UBE2Q2: variants seen among roughly 807,000 people sequenced by gnomAD.
UBE2Q2 encodes ubiquitin-conjugating enzyme E2 Q2.
In UBE2Q2, 54 loss-of-function variants were observed where a neutral mutation model predicts 59.9. That is an observed-to-expected ratio of 0.90 (90% CI 0.72 to 1.13). The LOEUF is 1.13. Among genes scored for constraint, UBE2Q2 ranks in the 50% most tolerant of loss-of-function variants. The probability of loss-of-function intolerance (pLI) is 0.00; values close to 1 mark genes in which losing one functional copy is unlikely to be tolerated. For synonymous variants in UBE2Q2, 165 were observed against 155.2 expected (o/e 1.06, Z -0.47); for missense variants, 433 against 441.9 (o/e 0.98, Z 0.18).
At chr15:75,843,902 T>G in intron 1 of UBE2Q2, 56 bp downstream of exon 1, 2 of 1,487,724 alleles carry the variant, frequency 1.3e-6, no homozygotes, top group Non-Finnish European at 1.8e-6. Context: ...AGGGGGCGCT[T>G]CGAGTCCCGG....
intron 8 of UBE2Q2, among the ~76,000 whole-genome samples, chr15:75,880,235 C>T (rs1898328496): frequency 6.6e-6 from 1 of 151,766 alleles, no homozygotes; most frequent in African/African-American, 2.4e-5. Context: ...GCCTCAGCCT[C>T]CTGAGTAGCT....
Position 75,900,663 on chromosome 15 carries a change from G to A in UBE2Q2, c.*1205G>A, listed in dbSNP as rs981840116. 1 of 152,626 alleles carries A rather than the reference G, an allele frequency of 6.6e-6. No homozygotes were observed. The highest frequency in any genetic ancestry group is 1.5e-5 in the Non-Finnish European group (1 of 68,030). The allele number at this position is 152,626 out of a possible 1,614,324, so 9.5% of individuals were successfully genotyped here. The stretch of plus-strand genomic sequence containing the variant: ...GCTTTGAGATTCAGTTTTTAACTTT[G>A]TAAACCACATCTGAGAGACTTGTCA... On this transcript the variant is annotated 3_prime_UTR_variant, in exon 13 of 13. Transcript: ENST00000267938.
At chr15:75,863,013 C>T (rs188494687) in intron 3 of UBE2Q2, among the ~76,000 whole-genome samples, 1 of 152,006 alleles carries the variant, frequency 6.6e-6, no homozygotes, top group East Asian at 1.9e-4. Context: ...GTTCTTTTGC[C>T]TGAGGTAGAT....
At position 75,876,685 on chromosome 15, in the gene UBE2Q2, A is replaced by G. The variant is rs1898102703; in HGVS notation, c.673+414A>G. Among the ~76,000 whole-genome samples, 3 of 152,156 alleles carry G rather than the reference A, an allele frequency of 2.0e-5. No homozygotes were observed. The South Asian group carries it at 6.2e-4, about 31-fold the overall frequency. ...AAGATAATCAGCTTTTATTGTAAAG[A>G]TAGTTATGTTATTACCTTTAAAATA... On this transcript the variant is annotated intron_variant, in intron 6 of 12. Coordinates refer to ENST00000267938, the MANE Select transcript of UBE2Q2 (RefSeq NM_173469.4).
chr15:75,851,828 T>C (rs1236692457), intron 1 of UBE2Q2, among the ~76,000 whole-genome samples: 1 of 152,188 alleles, frequency 6.6e-6, no homozygotes, highest in African/African-American at 2.4e-5. Context: ...TAAAAAGACA[T>C]ATTCAAGGAT....
intron 1 of UBE2Q2, chr15:75,844,406 G>A: frequency 2.6e-6 from 4 of 1,551,626 alleles, no homozygotes; most frequent in African/African-American, 1.4e-5. Context: ...CTCTGGTGCT[G>A]TTTGAGCGAC....
intron 1 of UBE2Q2, chr15:75,844,647 A>C: frequency 2.3e-4 from 158 of 697,532 alleles, no homozygotes; most frequent in East Asian, 3.3e-4. Flanking sequence ...CGGAAATCTC[A>C]TTAGAAACCC....
chr15:75,848,982 A>G (rs1307273593), intron 1 of UBE2Q2, among the ~76,000 whole-genome samples: 1 of 152,146 alleles, frequency 6.6e-6, no homozygotes, highest in Non-Finnish European at 1.5e-5. Context: ...GCTTACAATG[A>G]TGTTCTCAGT....
chr15:75,882,556 T>C (rs1160170501), intron 8 of UBE2Q2, among the ~76,000 whole-genome samples: 1 of 152,240 alleles, frequency 6.6e-6, no homozygotes, highest in Non-Finnish European at 1.5e-5. Context: ...AATTGTACTT[T>C]ACCAAGCTTA....
chr15:75,848,370 A>T (rs1896464037), intron 1 of UBE2Q2, among the ~76,000 whole-genome samples: 1 of 152,252 alleles, frequency 6.6e-6, no homozygotes, highest in African/African-American at 2.4e-5. Flanking sequence ...TAAGGAGCCT[A>T]AGACTTTTCT....
chr15:75,843,919 G>A, intron 1 of UBE2Q2, 73 bp downstream of exon 1: 1 of 1,457,078 alleles, frequency 6.9e-7, no homozygotes, highest in Admixed American at 2.4e-5. Context: ...CCGGGACAAA[G>A]GGGAGCCTGC....
chr15:75,883,229 G>T (rs1898542484), intron 8 of UBE2Q2, 137 bp from the exon 9 acceptor site: 3 of 754,076 alleles, frequency 4.0e-6, no homozygotes, highest in South Asian at 2.2e-5. Context: ...TTTGGTTTTG[G>T]GTACTAATTT....
At chr15:75,853,315 CA>C (rs1408619505) in intron 1 of UBE2Q2, among the ~76,000 whole-genome samples, 1 of 151,764 alleles carries the variant, frequency 6.6e-6, no homozygotes, top group Non-Finnish European at 1.5e-5. Context: ...AATAAAAATA[CA>C]AAAAATTAGC....
At chr15:75,845,282 A>T (rs1005886027) in intron 1 of UBE2Q2, among the ~76,000 whole-genome samples, 16 of 152,030 alleles carry the variant, frequency 1.1e-4, no homozygotes, top group African/African-American at 3.9e-4. Flanking sequence ...GACTGAGGAA[A>T]CTCCACCCAA....
intron 1 of UBE2Q2, among the ~76,000 whole-genome samples, chr15:75,845,787 G>A (rs1261989837): frequency 6.6e-6 from 1 of 152,142 alleles, no homozygotes. Flanking sequence ...TGCCACTGGT[G>A]CCCCATCGAG....
chr15:75,853,813 A>T (rs1204025395), intron 1 of UBE2Q2, among the ~76,000 whole-genome samples: 1 of 152,074 alleles, frequency 6.6e-6, no homozygotes, highest in Non-Finnish European at 1.5e-5. Flanking sequence ...ACTTATGTAG[A>T]TGTTGGCAGG....
Position 75,865,818 on chromosome 15 carries a change from T to C in UBE2Q2, c.388-3133T>C, listed in dbSNP as rs558306730. Among the ~76,000 whole-genome samples the C allele has an allele frequency of 4.6e-5, 7 of 151,740 alleles. No individual in the cohort carries two copies. In the East Asian group the frequency reaches 1.2e-3, roughly 25 times the overall value. ...AATATCTGGTTGTTTTTTTTTTTTT[T>C]AACCTAGAAAGGGTTTAAAGGGATG... On this transcript the variant is annotated intron_variant, in intron 3 of 12. Transcript: ENST00000267938.
Position 75,843,716 on chromosome 15 carries a change from T to G in UBE2Q2, c.50T>G (p.Phe17Cys). Reference protein sequence around the residue: ...KAELKFLASIFDKNHERFRIV... With the variant: ...KAELKFLASICDKNHERFRIV... Reference sequence around the variant, plus strand: ...GAGCTGAAGTTCCTGGCGTCCATCTTCGACAAGAACCACGAGCGATTCCGC... The same window carrying G: ...GAGCTGAAGTTCCTGGCGTCCATCTGCGACAAGAACCACGAGCGATTCCGC... Residue 17 changes from phenylalanine (F) to cysteine (C), a missense_variant, in exon 1 of 13, where the codon TTC (phenylalanine) becomes TGC (cysteine). Coordinates refer to ENST00000267938, the MANE Select transcript of UBE2Q2 (RefSeq NM_173469.4). 6 of 1,611,456 alleles carry G rather than the reference T, an allele frequency of 3.7e-6. No homozygotes were observed. Among genetic ancestry groups the G allele is most frequent in the Non-Finnish European group, 5.1e-6 (6 of 1,178,992 alleles).
At chr15:75,890,671 A>G (rs1269343481) in intron 10 of UBE2Q2, among the ~76,000 whole-genome samples, 188 bp downstream of exon 10, 2 of 152,238 alleles carry the variant, frequency 1.3e-5, no homozygotes, top group African/African-American at 4.8e-5. Context: ...TGCTGAATCT[A>G]TGCTAGGATA....
Sources: allele counts gnomAD v4.1 joint callset (sites outside exome capture counted in the v4.1 genomes callset), GRCh38; gene constraint gnomAD v4.1.1; transcripts MANE v1.5; gene names NCBI Gene and HGNC (gene_info 2026-07-23, HGNC 2026-07-21).